The following C1QTNF3 variants were observed in gnomAD, a reference collection of about 807,000 sequenced individuals.
The protein encoded by C1QTNF3 is C1q and TNF related 3.
A neutral mutation model predicts 32.6 loss-of-function variants in C1QTNF3; 26 were observed. The ratio of observed to expected loss-of-function variants is 0.80; its 90% confidence interval spans 0.58 to 1.11. The LOEUF (loss-of-function observed/expected upper bound fraction) is 1.11. Among genes scored for constraint, C1QTNF3 ranks in the 50% least tolerant of loss-of-function variants. C1QTNF3 has a pLI of 0.00. For synonymous variants in C1QTNF3, 155 were observed against 146.0 expected, an observed-to-expected ratio of 1.06 and a Z score of -0.44; for missense variants, 362 against 398.2, an observed-to-expected ratio of 0.91 and a Z score of 0.77.
chr5:34,170,508 C>T, the C1QTNF3 span, among the ~76,000 whole-genome samples: 3 of 151,866 alleles, frequency 2.0e-5, no homozygotes, highest in Admixed American at 6.6e-5. Flanking sequence ...GAATCATATC[C>T]AAGTGAGTGT....
At chr5:34,113,506 A>AAT in the C1QTNF3 span, among the ~76,000 whole-genome samples, 7 of 152,028 alleles carry the variant, frequency 4.6e-5, no homozygotes, top group Admixed American at 4.6e-4. Context: ...AGATAGCAAC[A>AAT]ATATATATAT....
the C1QTNF3 span, among the ~76,000 whole-genome samples, chr5:34,170,650 T>C: frequency 6.6e-6 from 1 of 152,168 alleles, no homozygotes; most frequent in Non-Finnish European, 1.5e-5. Context: ...TCACTGAAAG[T>C]GCATTAACTG....
chr5:34,020,344 G>T lies in C1QTNF3; in HGVS notation c.*239C>A. 2.5e-6 allele frequency: 1 copy of T among 402,914 alleles called. No homozygotes were observed. Among genetic ancestry groups the T allele is most frequent in the Non-Finnish European group, 4.4e-6 (1 of 226,778 alleles). The allele number at this position is 402,914 out of a possible 1,614,324, so 25.0% of individuals were successfully genotyped here. Reference sequence around the variant, plus strand: ...AATTATCTTTTAGGTGCCAAGGAAAGAGTGATAAAGATGCTGAGTATATTA... The same window carrying T: ...AATTATCTTTTAGGTGCCAAGGAAATAGTGATAAAGATGCTGAGTATATTA... On this transcript the variant is annotated 3_prime_UTR_variant, in exon 6 of 6. Coordinates refer to ENST00000382065, the MANE Select transcript of C1QTNF3 (RefSeq NM_181435.6).
chr5:34,044,830 T>G (rs905076729), upstream of C1QTNF3, among the ~76,000 whole-genome samples: 3 of 152,274 alleles, frequency 2.0e-5, no homozygotes, highest in African/African-American at 7.2e-5. Context: ...TAAACCTTCC[T>G]CACTGGAGGA....
the C1QTNF3 span, among the ~76,000 whole-genome samples, chr5:34,214,697 AT>A: frequency 6.6e-6 from 1 of 152,080 alleles, no homozygotes; most frequent in Admixed American, 6.6e-5. Context: ...CCATATTGTC[AT>A]TTTTTGTCAA....
At chr5:34,020,765 A>C in intron 5 of C1QTNF3, 23 bp from the exon 6 acceptor site, 1 of 1,604,826 alleles carries the variant, frequency 6.2e-7, no homozygotes. Context: ...AGAGGAACAA[A>C]CTACTTAGTT....
At chr5:34,022,138 G>A (rs1028249263) in intron 5 of C1QTNF3, among the ~76,000 whole-genome samples, 1 of 152,234 alleles carries the variant, frequency 6.6e-6, no homozygotes, top group African/African-American at 2.4e-5. Flanking sequence ...AGTAACACAT[G>A]TAACTGACTT....
chr5:34,115,807 C>T, the C1QTNF3 span, among the ~76,000 whole-genome samples: 1 of 151,292 alleles, frequency 6.6e-6, no homozygotes. Context: ...ATTCTTTAAA[C>T]CTTTTGTTAG....
chr5:34,163,389 C>T, the C1QTNF3 span, among the ~76,000 whole-genome samples: 97,180 of 151,750 alleles, frequency 0.64, 31,391 homozygotes, highest in African/African-American at 0.66. Flanking sequence ...TTTCTTTAAA[C>T]TGCAATCTAG....
At chr5:34,159,824 T>C in the C1QTNF3 span, among the ~76,000 whole-genome samples, 1 of 150,296 alleles carries the variant, frequency 6.7e-6, no homozygotes, top group Non-Finnish European at 1.5e-5. Context: ...ATTTAGATAA[T>C]TAAAGCATTA....
At chr5:34,082,417 T>C in the C1QTNF3 span, among the ~76,000 whole-genome samples, 1 of 151,680 alleles carries the variant, frequency 6.6e-6, no homozygotes, top group Non-Finnish European at 1.5e-5. Context: ...CCTCCCATAC[T>C]GTGAGTAATT....
chr5:34,197,682 C>A, the C1QTNF3 span, among the ~76,000 whole-genome samples: 6 of 152,082 alleles, frequency 3.9e-5, no homozygotes, highest in African/African-American at 7.3e-5. Flanking sequence ...TTGACCCAGG[C>A]AGCATCCCCC....
At chr5:34,203,150 T>G in the C1QTNF3 span, among the ~76,000 whole-genome samples, 12 of 152,264 alleles carry the variant, frequency 7.9e-5, no homozygotes, top group East Asian at 2.3e-3. Flanking sequence ...AGCAAACTCA[T>G]AGGTCTTGTA....
chr5:34,075,169 C>T, the C1QTNF3 span, among the ~76,000 whole-genome samples: 1 of 151,726 alleles, frequency 6.6e-6, no homozygotes, highest in East Asian at 1.9e-4. Context: ...AAAATACCTT[C>T]TCCATATTTT....
At chr5:34,236,067 C>T in the C1QTNF3 span, among the ~76,000 whole-genome samples, 4 of 152,232 alleles carry the variant, frequency 2.6e-5, no homozygotes, top group African/African-American at 9.6e-5. Flanking sequence ...AAAACGTATA[C>T]AGAAGAGTGC....
the C1QTNF3 span, among the ~76,000 whole-genome samples, chr5:34,133,589 G>A: frequency 7.9e-5 from 12 of 152,326 alleles, no homozygotes; most frequent in East Asian, 1.9e-3. Context: ...GAATGTGTCT[G>A]AGAGATTTAG....
chr5:34,135,837 T>C, the C1QTNF3 span, among the ~76,000 whole-genome samples: 1 of 144,064 alleles, frequency 6.9e-6, no homozygotes, highest in Admixed American at 7.0e-5. Flanking sequence ...ATACTACACA[T>C]CTACAACCAT....
the C1QTNF3 span, among the ~76,000 whole-genome samples, chr5:34,154,584 C>A: frequency 1.3e-5 from 2 of 152,128 alleles, no homozygotes; most frequent in Non-Finnish European, 2.9e-5. Flanking sequence ...AACTAGTTTT[C>A]AGTCAAATCA....
chr5:34,054,454 A>T, the C1QTNF3 span, among the ~76,000 whole-genome samples: 10 of 152,214 alleles, frequency 6.6e-5, no homozygotes, highest in Admixed American at 6.5e-5. Context: ...TCTTTGTCTC[A>T]TCTACTCAGG....
Sources: gnomAD v4.1 joint callset for allele counts (sites outside exome capture counted in the v4.1 genomes callset) on GRCh38, gnomAD v4.1.1 for gene constraint, MANE v1.5 for transcripts, NCBI Gene and HGNC (gene_info 2026-07-23, HGNC 2026-07-21) for gene names.